Variants in RAP1GAP observed in about 807,000 individuals in gnomAD.
RAP1GAP encodes rap1 GTPase-activating protein 1.
In RAP1GAP, 35 loss-of-function variants were observed where a neutral mutation model predicts 87.2. The observed-to-expected ratio is 0.40, with a 90% CI of 0.31 to 0.53. RAP1GAP has a LOEUF of 0.53. RAP1GAP is among the 20% of genes least tolerant of loss of function. The pLI, the probability that RAP1GAP is intolerant of heterozygous loss-of-function variation, is 0.48. For synonymous variants in RAP1GAP, 375 were observed against 363.9 expected (o/e 1.03, Z -0.35); for missense variants, 734 against 898.9 (o/e 0.82, Z 2.35).
Position 21,613,704 on chromosome 1 carries a change from G to A in RAP1GAP, c.398C>T (p.Thr133Ile). The A allele has an allele frequency of 6.2e-7, 1 of 1,611,564 alleles. No individual in the cohort carries two copies. Among genetic ancestry groups the A allele is most frequent in the Non-Finnish European group, 8.5e-7 (1 of 1,178,156 alleles). The change falls in exon 9 of 25, where the codon ACC (threonine) becomes ATC (isoleucine). Residue 133 changes from threonine (T) to isoleucine (I), a missense_variant and splice_region_variant. Around this residue, in one of 2 missense-constraint regions of RAP1GAP, gnomAD observed 485 missense variants for 646.2 expected, o/e 0.75. Coordinates refer to ENST00000374765, the MANE Select transcript of RAP1GAP (RefSeq NM_002885.4). This position sits in a 1 kb window ranked among gnomAD's most constrained non-coding sequence, Gnocchi z 4.7. ...DQEHLRLLLR[T>I]KCRTYHDVIP... The stretch of plus-strand genomic sequence containing the variant: ...GACATCATGGTATGTCCGGCACTTG[G>A]TCCTGAGAAGAGAAAGTCACACGAT...
intron 20 of RAP1GAP, among the ~76,000 whole-genome samples, chr1:21,601,464 G>A (rs1263280690): frequency 2.0e-5 from 3 of 152,216 alleles, no homozygotes; most frequent in South Asian, 2.1e-4. Context: ...GGACCTATGC[G>A]CAGGGCACCT....
intron 1 of RAP1GAP, among the ~76,000 whole-genome samples, chr1:21,664,301 G>T (rs2097264801): frequency 6.6e-6 from 1 of 152,188 alleles, no homozygotes. Flanking sequence ...TCCTTACACA[G>T]CAGTGGCAGG....
chr1:21,613,541 G>T lies in RAP1GAP; in HGVS notation c.474+87C>A. 1.6e-6 allele frequency: 2 copies of T among 1,274,994 alleles called. No individual in the cohort carries two copies. Among genetic ancestry groups the T allele is most frequent in the Non-Finnish European group, 1.1e-6 (1 of 874,748 alleles). The allele number at this position is 1,274,994 out of a possible 1,614,324, so 79.0% of individuals were successfully genotyped here. ...CAGGCCAGGGCTAGGGCCTACAGCTGAAGGGGACGCGCCAAGGCAAGCTGA... is the reference window on the plus strand; with the variant it reads ...CAGGCCAGGGCTAGGGCCTACAGCTTAAGGGGACGCGCCAAGGCAAGCTGA... On this transcript the variant is annotated intron_variant, in intron 9 of 24. Coordinates refer to ENST00000374765, the MANE Select transcript of RAP1GAP (RefSeq NM_002885.4). The surrounding 1 kb of genome is among the most constrained non-coding windows in gnomAD (Gnocchi z 4.7).
intron 2 of RAP1GAP, among the ~76,000 whole-genome samples, chr1:21,644,294 C>T (rs1011491540): frequency 2.0e-5 from 3 of 152,208 alleles, no homozygotes; most frequent in African/African-American, 7.2e-5. Context: ...TTGGTTCAAA[C>T]ACCCCCTCTT....
intron 13 of RAP1GAP, among the ~76,000 whole-genome samples, chr1:21,611,119 G>C (rs969090109): frequency 6.6e-6 from 1 of 152,104 alleles, no homozygotes; most frequent in Non-Finnish European, 1.5e-5. Flanking sequence ...CCTCTGCCAA[G>C]ACTACATGTC....
intron 17 of RAP1GAP, among the ~76,000 whole-genome samples, chr1:21,607,778 T>C (rs1490658577): frequency 1.3e-5 from 2 of 152,090 alleles, no homozygotes; most frequent in East Asian, 1.9e-4. Context: ...AGGCAGACTA[T>C]GTCCCCAAGT....
chr1:21,603,954 A>G lies in RAP1GAP; in HGVS notation c.1429-1041T>C. On this transcript the variant is annotated intron_variant, in intron 18 of 24. Coordinates refer to ENST00000374765, the MANE Select transcript of RAP1GAP (RefSeq NM_002885.4). This position sits in a 1 kb window ranked among gnomAD's most constrained non-coding sequence, Gnocchi z 6.0. ...GGCGGGGGCAGAGAGAGAGAGACAG[A>G]GAGAGAGTCAGAGAGCAAGAGAGAT... 3.6e-6 allele frequency: 5 copies of G among 1,381,896 alleles called. No homozygotes were observed. Among genetic ancestry groups the G allele is most frequent in the Non-Finnish European group, 4.9e-6 (5 of 1,014,516 alleles). 85.6% of individuals were successfully genotyped at this position (1,381,896 alleles called of 1,614,324 possible). A position where few individuals can be genotyped will look rare whatever the true frequency, so the allele number is the denominator to read the frequency against.
chr1:21,598,307 C>T (rs1259920868), intron 22 of RAP1GAP, 93 bp downstream of exon 22: 1 of 1,175,880 alleles, frequency 8.5e-7, no homozygotes, highest in Non-Finnish European at 1.2e-6. Flanking sequence ...ACATCACATC[C>T]ACTGCATGGG....
rs1007227064 is a variant in RAP1GAP, at chr1:21,596,639, C to T, written c.*660G>A. 1 of 152,326 alleles carries T rather than the reference C, an allele frequency of 6.6e-6. No homozygotes were observed. Among genetic ancestry groups the T allele is most frequent in the Non-Finnish European group, 1.5e-5 (1 of 68,100 alleles). The allele number at this position is 152,326 out of a possible 1,614,324, so 9.4% of individuals were successfully genotyped here. A position where few individuals can be genotyped will look rare whatever the true frequency, so the allele number is the denominator to read the frequency against. ...GCCGGCTCCCTGCCCCTCAGCCCACCTGGGGCTCCAGGGACCTCAAGAAGC... is the reference window on the plus strand; with the variant it reads ...GCCGGCTCCCTGCCCCTCAGCCCACTTGGGGCTCCAGGGACCTCAAGAAGC... On this transcript the variant is annotated 3_prime_UTR_variant, in exon 25 of 25. Transcript: ENST00000374765.
chr1:21,603,359 A>T lies in RAP1GAP; in HGVS notation c.1429-446T>A, dbSNP rs888136492. The T allele has an allele frequency of 2.3e-6, 1 of 429,244 alleles. No individual in the cohort carries two copies. The highest frequency in any genetic ancestry group is 4.0e-5 in the Admixed American group (1 of 24,820). The allele number at this position is 429,244 out of a possible 1,614,324, so 26.6% of individuals were successfully genotyped here. ...TGGCTGGGGGAGGTTCTGGCCCAGC[A>T]GCTGGAAGACTCCCCCAGCTTCCCA... On this transcript the variant is annotated intron_variant, in intron 18 of 24. Transcript: ENST00000374765. The surrounding 1 kb of genome is among the most constrained non-coding windows in gnomAD (Gnocchi z 6.0).
intron 1 of RAP1GAP, chr1:21,667,795 G>A (rs551490072): frequency 6.6e-6 from 1 of 152,454 alleles, no homozygotes; most frequent in South Asian, 2.1e-4. Flanking sequence ...CTGTGCAATG[G>A]AGGCTTCAGC....
intron 2 of RAP1GAP, among the ~76,000 whole-genome samples, chr1:21,640,193 A>C (rs2095389334): frequency 6.6e-6 from 1 of 151,308 alleles, no homozygotes; most frequent in South Asian, 2.1e-4. Flanking sequence ...CCTGCCTGTT[A>C]CCCCCTTCCC....
intron 2 of RAP1GAP, among the ~76,000 whole-genome samples, chr1:21,640,008 G>A (rs1443932592): frequency 1.3e-5 from 2 of 152,146 alleles, no homozygotes; most frequent in South Asian, 2.1e-4. Flanking sequence ...CCAGACGCCC[G>A]CCTCACGTGG....
chr1:21,607,929 A>C (rs1570574854), intron 17 of RAP1GAP, among the ~76,000 whole-genome samples: 1 of 140,032 alleles, frequency 7.1e-6, no homozygotes. Flanking sequence ...CCCAGACTCT[A>C]CCCGCAGGCG....
At position 21,597,957 on chromosome 1, in the gene RAP1GAP, G is replaced by C; in HGVS notation, c.1983+4C>G. ...CAGCACCAGCCCCAGGAGGCTGCAC[G>C]TACCAGCTGGGGCATGTGCTGCTCA... is the stretch of plus-strand genomic sequence containing the variant. On this transcript the variant is annotated splice_donor_region_variant and intron_variant, in intron 23 of 24. Transcript: ENST00000374765. 1 of 1,563,166 alleles carries C rather than the reference G, an allele frequency of 6.4e-7. No individual in the cohort carries two copies. The highest frequency in any genetic ancestry group is 8.7e-7 in the Non-Finnish European group (1 of 1,154,244).
Position 21,613,196 on chromosome 1 carries a change from A to G in RAP1GAP, c.508T>C (p.Tyr170His). 6.4e-7 allele frequency: 1 copy of G among 1,562,958 alleles called. No homozygotes were observed. Among genetic ancestry groups the G allele is most frequent in the Non-Finnish European group, 8.8e-7 (1 of 1,133,524 alleles). The change falls in exon 10 of 25, where the codon TAT (tyrosine) becomes CAT (histidine). Residue 170 changes from tyrosine to histidine, a missense_variant. Coordinates refer to ENST00000374765, the MANE Select transcript of RAP1GAP (RefSeq NM_002885.4). This position sits in a 1 kb window ranked among gnomAD's most constrained non-coding sequence, Gnocchi z 4.7. ...VCEDVNVDRF[Y>H]PVLYPKASRL... The stretch of plus-strand genomic sequence containing the variant: ...CATACCTTGGGGTAGAGCACAGGAT[A>G]GAACCGATCCACATTGACGTCTTCA...
intron 1 of RAP1GAP, among the ~76,000 whole-genome samples, chr1:21,652,942 C>A (rs1251655988): frequency 6.6e-6 from 1 of 152,172 alleles, no homozygotes; most frequent in East Asian, 1.9e-4. Context: ...TCTGTTTAAA[C>A]AAACTGCAGG....
intron 3 of RAP1GAP, 59 bp downstream of exon 3, chr1:21,626,245 G>A: frequency 7.1e-7 from 1 of 1,404,924 alleles, no homozygotes; most frequent in Non-Finnish European, 1.0e-6. Flanking sequence ...CCCAGCCCTG[G>A]GCATGTGTCG....
At position 21,611,995 on chromosome 1, in the gene RAP1GAP, G is replaced by C. The variant is rs147642792; in HGVS notation, c.612+31C>G. ...GAGGCTCCAGATATGGGGCCAGGTG[G>C]GGAGGGGCGGCAGGGAGGAGGTGAG... On this transcript the variant is annotated intron_variant, in intron 11 of 24. Coordinates refer to ENST00000374765, the MANE Select transcript of RAP1GAP (RefSeq NM_002885.4). 1.7e-3 allele frequency: 2,621 copies of C among 1,513,906 alleles called. 7 individuals are homozygous for C. The highest frequency in any genetic ancestry group is 2.2e-3 in the Non-Finnish European group (2,429 of 1,109,754). 93.8% of individuals were successfully genotyped at this position (1,513,906 alleles called of 1,614,324 possible). A position where few individuals can be genotyped will look rare whatever the true frequency, so the allele number is the denominator to read the frequency against.
Sources: allele counts gnomAD v4.1 joint callset (sites outside exome capture counted in the v4.1 genomes callset), GRCh38; gene constraint gnomAD v4.1.1; regional missense constraint gnomAD v4.1.1; non-coding constraint Gnocchi (gnomAD v3.1); transcripts MANE v1.5; gene names NCBI Gene and HGNC (gene_info 2026-07-23, HGNC 2026-07-21).